The following SERPINB6 variants were observed in gnomAD, a reference collection of about 807,000 sequenced individuals.
SERPINB6 encodes the protein serpin B6.
SERPINB6 carries 16 observed loss-of-function variants against 26.1 expected under a neutral mutation model. The observed-to-expected ratio is 0.61, with a 90% CI of 0.42 to 0.93. The LOEUF (loss-of-function observed/expected upper bound fraction) is 0.93. Ranked by LOEUF, SERPINB6 falls within the 40% of genes least tolerant of loss-of-function variation. The pLI is 0.00. For synonymous variants in SERPINB6, 174 were observed against 176.6 expected (o/e 0.99, Z 0.11); for missense variants, 420 against 478.0 (o/e 0.88, Z 1.13).
intron 2 of SERPINB6, 150 bp from the exon 3 acceptor site, chr6:2,955,820 T>A: frequency 1.2e-6 from 1 of 814,210 alleles, no homozygotes; most frequent in Non-Finnish European, 1.9e-6. Flanking sequence ...CTCACGCCTA[T>A]AATCCCAGCA....
In SERPINB6 at chr6:2,949,017, G is replaced by A. The variant is rs755523811; in HGVS notation, c.626C>T (p.Thr209Ile). 298 of 1,614,022 alleles carry A rather than the reference G, an allele frequency of 1.8e-4. No homozygotes were observed. Among genetic ancestry groups the A allele is most frequent in the Non-Finnish European group, 2.4e-4 (278 of 1,180,002 alleles). Reference sequence around the variant, plus strand: ...TTGGGTAAATATTTCTCCTATATAGGTCTTCTTAAAAGTAGATTGCTTAAA... The same window carrying A: ...TTGGGTAAATATTTCTCCTATATAGATCTTCTTAAAAGTAGATTGCTTAAA... The part of the protein sequence containing the change: ...MMFKQSTFKK[T>I]YIGEIFTQIL... The change falls in exon 6 of 7, where the codon ACC (threonine) becomes ATC (isoleucine). Residue 209 changes from threonine (T) to isoleucine (I), a missense_variant. Physicochemically the swap from Thr to Ile is moderately conservative, Grantham distance 89. Coordinates refer to ENST00000380539, the MANE Select transcript of SERPINB6 (RefSeq NM_004568.6).
chr6:2,949,205 G>A (rs907621964), intron 5 of SERPINB6, 136 bp from the exon 6 acceptor site: 57 of 941,728 alleles, frequency 6.1e-5, no homozygotes, highest in Non-Finnish European at 8.6e-5. Context: ...ACCCGGCAGC[G>A]CCTGCTCTGC....
Position 2,948,670 on chromosome 6 carries a change from G to A in SERPINB6, c.759C>T (p.Phe253=), listed in dbSNP as rs201678985. The A allele has an allele frequency of 3.2e-5, 52 of 1,614,140 alleles. No individual in the cohort carries two copies. In the African/African-American group the frequency reaches 3.6e-4, roughly 11 times the overall value. Residue 253 remains phenylalanine, a synonymous_variant, in exon 7 of 7, where the codon TTC becomes TTT. Coordinates refer to ENST00000380539, the MANE Select transcript of SERPINB6 (RefSeq NM_004568.6). This position sits in a 1 kb window ranked among gnomAD's most constrained non-coding sequence, Gnocchi z 5.0. ...TVEKELTYEK[F]VEWTRLDMMD... Reference sequence around the variant, plus strand: ...TCATGTCCAGCCTCGTCCATTCTACGAACTTCTCGTAAGTGAGTTCTTTCT... The same window carrying A: ...TCATGTCCAGCCTCGTCCATTCTACAAACTTCTCGTAAGTGAGTTCTTTCT...
chr6:2,949,784 T>C (rs1164161162), intron 5 of SERPINB6, among the ~76,000 whole-genome samples: 1 of 152,112 alleles, frequency 6.6e-6, no homozygotes, highest in Admixed American at 6.6e-5. Flanking sequence ...CCCCATTTAC[T>C]CGGAGCAGGA....
In SERPINB6 at chr6:2,955,585, G is replaced by A. The variant is rs538616923; in HGVS notation, c.251C>T (p.Thr84Met). 108 of 1,614,198 alleles carry A rather than the reference G, an allele frequency of 6.7e-5. 2 individuals carry two copies. The South Asian group carries it at 7.2e-4, about 11-fold the overall frequency. The part of the protein sequence containing the change: ...SLLTEVNKTG[T>M]QYLLRMANRL... ...GTTGGCCATCCTAAGCAAGTACTGC[G>A]TGCCAGTCTTGTTCACTTCGGTGAG... Residue 84 changes from threonine (T) to methionine (M), a missense_variant, in exon 3 of 7, where the codon ACG (threonine) becomes ATG (methionine). Thr to Met is a moderately conservative substitution (Grantham distance 81). Coordinates refer to ENST00000380539, the MANE Select transcript of SERPINB6 (RefSeq NM_004568.6).
intron 1 of SERPINB6, chr6:2,968,687 T>C (rs1470598907): frequency 1.1e-5 from 13 of 1,230,368 alleles, no homozygotes; most frequent in Non-Finnish European, 1.2e-5. Context: ...GTCTCTCTTT[T>C]GTACCTAGAC....
intron 1 of SERPINB6, chr6:2,970,683 T>C (rs1772058773): frequency 8.3e-7 from 1 of 1,199,144 alleles, no homozygotes; most frequent in South Asian, 4.4e-5. Context: ...CATTAATTAT[T>C]AATTTTCTGT....
chr6:2,952,536 T>C (rs962906245), intron 5 of SERPINB6, among the ~76,000 whole-genome samples: 2 of 152,258 alleles, frequency 1.3e-5, no homozygotes, highest in Non-Finnish European at 2.9e-5. Flanking sequence ...CAAAAATCTG[T>C]ACTTATCCTT....
chr6:2,971,065 G>A (rs1232822751), intron 1 of SERPINB6: 6 of 1,163,986 alleles, frequency 5.2e-6, no homozygotes, highest in Admixed American at 9.3e-5. Flanking sequence ...GCGTCCTCCG[G>A]GTCGCGGAGC....
chr6:2,950,897 AG>A (rs1348234163), intron 5 of SERPINB6, among the ~76,000 whole-genome samples: 2 of 152,238 alleles, frequency 1.3e-5, no homozygotes, highest in African/African-American at 4.8e-5. Context: ...CACGTGGTAG[AG>A]GCTCGCCTGG....
intron 5 of SERPINB6, 145 bp from the exon 6 acceptor site, chr6:2,949,214 G>A: frequency 2.2e-6 from 2 of 890,350 alleles, no homozygotes; most frequent in Non-Finnish European, 3.6e-6. Flanking sequence ...CGCCTGCTCT[G>A]CCATCTTCAT....
In SERPINB6 at chr6:2,969,546, A is replaced by C. The variant is rs145082925; in HGVS notation, c.-11+1987T>G. 9.1e-5 allele frequency: 90 copies of C among 985,342 alleles called. No individual in the cohort carries two copies. The African/African-American group carries it at 1.4e-3, about 15-fold the overall frequency. The allele number at this position is 985,342 out of a possible 1,614,324, so 61.0% of individuals were successfully genotyped here. ...AGCCTAACAAATCTATCCTGGCATC[A>C]CTTTTTTTTTCCTGTAGCATCACCA... is the stretch of plus-strand genomic sequence containing the variant. On this transcript the variant is annotated intron_variant, in intron 1 of 6. Coordinates refer to ENST00000380539, the MANE Select transcript of SERPINB6 (RefSeq NM_004568.6).
chr6:2,955,396 T>G (rs979190732), intron 3 of SERPINB6, 128 bp downstream of exon 3: 1,069 of 1,055,468 alleles, frequency 1.0e-3, no homozygotes, highest in East Asian at 3.7e-3. Flanking sequence ...TATTGGCAGG[T>G]GAAAAGAAAT....
rs1358350741 is a variant in SERPINB6 at position 2,948,640 on chromosome 6, ATCCATCATG to A, written c.780_788del (p.Met261_Asp263del). 4.3e-6 allele frequency: 7 copies of A among 1,613,972 alleles called. No individual in the cohort carries two copies. Among genetic ancestry groups the A allele is most frequent in the Non-Finnish European group, 5.9e-6 (7 of 1,179,996 alleles). On this transcript the variant is annotated inframe_deletion, in exon 7 of 7. Coordinates refer to ENST00000380539, the MANE Select transcript of SERPINB6 (RefSeq NM_004568.6). The surrounding 1 kb of genome is among the most constrained non-coding windows in gnomAD (Gnocchi z 5.0). Reference sequence around the variant, plus strand: ...GGAGGGACACTTCCACCTCCTCTTCATCCATCATGTCCAGCCTCGTCCATTCTACGAACT... The same window carrying A: ...GGAGGGACACTTCCACCTCCTCTTCATCCAGCCTCGTCCATTCTACGAACT...
chr6:2,954,884 A>C, intron 3 of SERPINB6, 175 bp from the exon 4 acceptor site: 3 of 609,146 alleles, frequency 4.9e-6, no homozygotes, highest in Non-Finnish European at 2.9e-6. Flanking sequence ...GCTATATTTA[A>C]TCCTAGCTTA....
At chr6:2,949,288 A>G (rs2113107364) in intron 5 of SERPINB6, among the ~76,000 whole-genome samples, 1 of 152,288 alleles carries the variant, frequency 6.6e-6, no homozygotes, top group Non-Finnish European at 1.5e-5. Flanking sequence ...CCTCTCATTG[A>G]TCGCATTCAG....
At chr6:2,962,201 C>G in intron 1 of SERPINB6, 1 of 985,486 alleles carries the variant, frequency 1.0e-6, no homozygotes, top group Non-Finnish European at 1.2e-6. Flanking sequence ...CCTGTCTGGC[C>G]AGCCCAGGTT....
intron 5 of SERPINB6, among the ~76,000 whole-genome samples, 196 bp from the exon 6 acceptor site, chr6:2,949,265 C>G (rs1361517173): frequency 6.6e-6 from 1 of 152,238 alleles, no homozygotes. Context: ...GGGCCCAAAC[C>G]CAACGTGTCT....
At chr6:2,966,956 G>C in intron 1 of SERPINB6, 1 of 985,370 alleles carries the variant, frequency 1.0e-6, no homozygotes, top group South Asian at 4.7e-5. Context: ...AGCCTAGCTT[G>C]GGAAAAAAAT....
Sources: allele counts gnomAD v4.1 joint callset (sites outside exome capture counted in the v4.1 genomes callset), GRCh38; gene constraint gnomAD v4.1.1; non-coding constraint Gnocchi (gnomAD v3.1); transcripts MANE v1.5; gene names NCBI Gene and HGNC (gene_info 2026-07-23, HGNC 2026-07-21).